The following DZIP3 variants were observed in gnomAD, a reference collection of about 807,000 sequenced individuals.
The protein encoded by DZIP3 is DAZ interacting zinc finger protein 3, also known as E3 ubiquitin-protein ligase DZIP3.
A neutral mutation model predicts 162.0 loss-of-function variants in DZIP3; 118 were observed. The ratio of observed to expected loss-of-function variants is 0.73; its 90% CI spans 0.63 to 0.85. The LOEUF (loss-of-function observed/expected upper bound fraction) is 0.85. Among genes scored for constraint, DZIP3 ranks in the 40% least tolerant of loss-of-function variants. The pLI, the probability that DZIP3 is intolerant of heterozygous loss-of-function variation, is 0.00. For missense variants in DZIP3, 1,331 were observed against 1,407.0 expected (o/e 0.95, Z 0.86); for synonymous variants, 438 against 458.6 (o/e 0.96, Z 0.57).
At chr3:108,688,475 C>G (rs1382204843) in intron 29 of DZIP3, 118 bp from the exon 30 acceptor site, 1 of 1,173,782 alleles carries the variant, frequency 8.5e-7, no homozygotes, top group Non-Finnish European at 1.2e-6. Flanking sequence ...AGATTTCTCA[C>G]AAATCTGATT....
chr3:108,677,006 G>A (rs921419696), intron 25 of DZIP3, among the ~76,000 whole-genome samples: 14 of 152,186 alleles, frequency 9.2e-5, no homozygotes, highest in African/African-American at 3.1e-4. Flanking sequence ...ACAAGCTAGA[G>A]TTACAGATTG....
intron 28 of DZIP3, among the ~76,000 whole-genome samples, chr3:108,687,327 CTGA>C (rs1277022585): frequency 6.6e-6 from 1 of 152,006 alleles, no homozygotes; most frequent in Non-Finnish European, 1.5e-5. Context: ...TTGCATAAGG[CTGA>C]TGACATGACA....
intron 3 of DZIP3, among the ~76,000 whole-genome samples, chr3:108,608,793 A>G (rs1192855950): frequency 1.3e-5 from 2 of 152,204 alleles, no homozygotes; most frequent in Non-Finnish European, 2.9e-5. Flanking sequence ...ATAGTTTTAT[A>G]TAATGATTGA....
chr3:108,683,254 A>C (rs1450158434), intron 26 of DZIP3, among the ~76,000 whole-genome samples: 6 of 145,594 alleles, frequency 4.1e-5, no homozygotes, highest in African/African-American at 5.7e-5. Context: ...ATAATTTTTA[A>C]TATCCAGTTA....
rs77210559 is a variant in DZIP3 at position 108,685,015 on chromosome 3, A to G, written c.3009+674A>G. Among the ~76,000 whole-genome samples the G allele has an allele frequency of 7.0e-4, 107 of 152,262 alleles. 2 individuals are homozygous for G. In the East Asian group the frequency reaches 0.02, roughly 28 times the overall value. On this transcript the variant is annotated intron_variant, in intron 27 of 32. Transcript: ENST00000361582. ...AAAATTCTCTAATCTTGATTTTCCT[A>G]TAAGTATAATTAGGTGCAATTAATT...
At chr3:108,647,687 A>T (rs1942692179) in intron 15 of DZIP3, among the ~76,000 whole-genome samples, 1 of 152,212 alleles carries the variant, frequency 6.6e-6, no homozygotes, top group South Asian at 2.1e-4. Context: ...AGAGTATCTA[A>T]TATCTAGAGT....
chr3:108,668,824 C>T (rs1052594596), intron 21 of DZIP3, among the ~76,000 whole-genome samples: 17 of 151,854 alleles, frequency 1.1e-4, no homozygotes, highest in Admixed American at 5.3e-4. Context: ...ACATTAAAGT[C>T]GTCATTTCAA....
chr3:108,684,427 A>G (rs1438049040), intron 27 of DZIP3, 86 bp downstream of exon 27: 5 of 1,476,068 alleles, frequency 3.4e-6, no homozygotes, highest in South Asian at 1.3e-5. Flanking sequence ...CATTTTGTTC[A>G]TTCATTTGAT....
intron 24 of DZIP3, 85 bp from the exon 25 acceptor site, chr3:108,675,701 T>G: frequency 8.4e-7 from 1 of 1,192,450 alleles, no homozygotes; most frequent in Non-Finnish European, 1.2e-6. Flanking sequence ...TTGACATATA[T>G]GCTAGAAAGC....
At chr3:108,661,058 AT>A (rs1193410946) in intron 19 of DZIP3, among the ~76,000 whole-genome samples, 1 of 152,238 alleles carries the variant, frequency 6.6e-6, no homozygotes, top group Non-Finnish European at 1.5e-5. Flanking sequence ...TAGGTCAACC[AT>A]TGTGGAAGTC....
At chr3:108,631,055 A>ACACACACACACACACAAACACTCTCTCT in intron 8 of DZIP3, among the ~76,000 whole-genome samples, 2 of 18,014 alleles carry the variant, frequency 1.1e-4, no homozygotes, top group South Asian at 2.3e-3. Context: ...ACACACACAC[A>ACACACACACACACACAAACACTCTCTCT]CTCTCTCTCT....
chr3:108,615,088 C>G (rs994124462), intron 4 of DZIP3, among the ~76,000 whole-genome samples: 2 of 152,190 alleles, frequency 1.3e-5, no homozygotes, highest in Admixed American at 6.5e-5. Flanking sequence ...CCTTGCAAAT[C>G]TGCTGAAGGC....
chr3:108,635,588 A>T (rs1422439493), intron 10 of DZIP3, among the ~76,000 whole-genome samples: 2 of 146,546 alleles, frequency 1.4e-5, no homozygotes, highest in East Asian at 3.9e-4. Context: ...ATTATATATA[A>T]CTAACTACAT....
Position 108,632,975 on chromosome 3 carries a change from A to G in DZIP3, c.719A>G (p.Lys240Arg). 1 of 1,427,118 alleles carries G rather than the reference A, an allele frequency of 7.0e-7. No homozygotes were observed. The highest frequency in any genetic ancestry group is 9.4e-7 in the Non-Finnish European group (1 of 1,064,900). The allele number at this position is 1,427,118 out of a possible 1,614,324, so 88.4% of individuals were successfully genotyped here. Residue 240 changes from lysine to arginine, a missense_variant, in exon 9 of 33, where the codon AAG becomes AGG. Lys to Arg is a conservative substitution (Grantham distance 26, BLOSUM62 2). Around this residue, in one of 2 missense-constraint regions of DZIP3, gnomAD observed 1,278 missense variants for 1,317.1 expected, o/e 0.97. Transcript: ENST00000361582. Reference sequence around the variant, plus strand: ...TAGGATCTTCTTAATAATTTTATCAAGACAACTGAAAGCAATATAATGAAG... The same window carrying G: ...TAGGATCTTCTTAATAATTTTATCAGGACAACTGAAAGCAATATAATGAAG... The part of the protein sequence containing the change: ...TFKDLLNNFI[K>R]TTESNIMKQT...
intron 1 of DZIP3, among the ~76,000 whole-genome samples, chr3:108,590,611 C>CG: frequency 6.6e-6 from 1 of 152,062 alleles, no homozygotes; most frequent in African/African-American, 2.4e-5. Context: ...AAGTAGTATC[C>CG]CCTGCTGCGA....
intron 9 of DZIP3, among the ~76,000 whole-genome samples, chr3:108,633,616 C>A (rs960541782): frequency 7.3e-5 from 11 of 150,626 alleles, no homozygotes; most frequent in African/African-American, 2.7e-4. Context: ...AGATCTCTCT[C>A]TCTGGATCTA....
At chr3:108,605,527 G>A in intron 2 of DZIP3, 89 bp downstream of exon 2, 2 of 1,363,320 alleles carry the variant, frequency 1.5e-6, no homozygotes, top group East Asian at 2.3e-5. Flanking sequence ...GCGGGGAATG[G>A]TTTTGGGGTG....
rs561865310 is a variant in DZIP3, at chr3:108,678,449, A to C, written c.2883+851A>C. On this transcript the variant is annotated intron_variant, in intron 26 of 32. Transcript: ENST00000361582. ...CTGCACGAAATGACTGAAACATCTCAATGTAATACCCTGCATGGCTGGACC... is the reference window on the plus strand; with the variant it reads ...CTGCACGAAATGACTGAAACATCTCCATGTAATACCCTGCATGGCTGGACC... 2.0e-5 allele frequency among the ~76,000 whole-genome samples: 3 copies of C among 152,108 alleles called. No homozygotes were observed. In the East Asian group the frequency reaches 5.8e-4, roughly 30 times the overall value.
intron 1 of DZIP3, among the ~76,000 whole-genome samples, chr3:108,594,261 C>T (rs1939586924): frequency 6.6e-6 from 1 of 152,050 alleles, no homozygotes; most frequent in Admixed American, 6.5e-5. Flanking sequence ...ATTTCAGAAT[C>T]ACCACTGTTG....
Sources: allele counts gnomAD v4.1 joint callset (sites outside exome capture counted in the v4.1 genomes callset), GRCh38; gene constraint gnomAD v4.1.1; regional missense constraint gnomAD v4.1.1; transcripts MANE v1.5; gene names NCBI Gene and HGNC (gene_info 2026-07-23, HGNC 2026-07-21).